The following SLC1A1 variants were observed in gnomAD, a reference collection of about 807,000 sequenced individuals.
SLC1A1 encodes excitatory amino acid transporter 3.
A neutral mutation model predicts 53.3 loss-of-function variants in SLC1A1; 43 were observed. The ratio of observed to expected loss-of-function variants is 0.81; its 90% confidence interval spans 0.63 to 1.04. The LOEUF (loss-of-function observed/expected upper bound fraction) is 1.04. SLC1A1 is among the 50% of genes least tolerant of loss of function. SLC1A1 has a pLI of 0.00. For synonymous variants in SLC1A1, 307 were observed against 243.2 expected, an observed-to-expected ratio of 1.26 and a Z score of -2.44; for missense variants, 748 against 664.9, an observed-to-expected ratio of 1.12 and a Z score of -1.37.
intron 10 of SLC1A1, 45 bp from the exon 11 acceptor site, chr9:4,582,993 G>C (rs200721080): frequency 1.2e-6 from 2 of 1,613,280 alleles, no homozygotes; most frequent in East Asian, 2.2e-5. Context: ...GCTTTAACGG[G>C]AGAGGTAAGT....
intron 10 of SLC1A1, among the ~76,000 whole-genome samples, chr9:4,579,136 T>A (rs1820831629): frequency 6.6e-6 from 1 of 152,244 alleles, no homozygotes; most frequent in African/African-American, 2.4e-5. Context: ...GCTGGGGAAC[T>A]ATCCCAATGC....
chr9:4,524,243 C>T (rs1816185118), intron 1 of SLC1A1, among the ~76,000 whole-genome samples: 1 of 152,142 alleles, frequency 6.6e-6, no homozygotes, highest in Non-Finnish European at 1.5e-5. Context: ...TATTTACTGA[C>T]TCCATTATCC....
chr9:4,492,365 C>T (rs1820265030), intron 1 of SLC1A1, among the ~76,000 whole-genome samples: 1 of 151,924 alleles, frequency 6.6e-6, no homozygotes, highest in Admixed American at 6.6e-5. Context: ...GCCTATAACC[C>T]CAGTTACTCG....
At chr9:4,572,716 T>G (rs1820175178) in intron 7 of SLC1A1, among the ~76,000 whole-genome samples, 1 of 152,138 alleles carries the variant, frequency 6.6e-6, no homozygotes. Context: ...CCCAGCTATT[T>G]TTTTGTATTT....
intron 1 of SLC1A1, among the ~76,000 whole-genome samples, chr9:4,534,641 G>T (rs1440284564): frequency 6.6e-6 from 1 of 151,924 alleles, no homozygotes. Context: ...GTACAAGGAG[G>T]TGCTGGTACC....
chr9:4,493,827 A>C (rs978805958), intron 1 of SLC1A1, among the ~76,000 whole-genome samples: 2 of 152,250 alleles, frequency 1.3e-5, no homozygotes, highest in African/African-American at 4.8e-5. Flanking sequence ...TTATAGAAAT[A>C]AGAGGCAAAG....
chr9:4,518,632 C>T (rs558793711), intron 1 of SLC1A1, among the ~76,000 whole-genome samples: 2 of 152,212 alleles, frequency 1.3e-5, no homozygotes, highest in South Asian at 4.1e-4. Flanking sequence ...ATTCCAACTC[C>T]AGCTGCCTGT....
chr9:4,519,784 G>C (rs1816000069), intron 1 of SLC1A1, among the ~76,000 whole-genome samples: 1 of 152,154 alleles, frequency 6.6e-6, no homozygotes, highest in Non-Finnish European at 1.5e-5. Context: ...ACTCCAGATA[G>C]GTGACTCATG....
At chr9:4,509,347 A>AT (rs1820915504) in intron 1 of SLC1A1, among the ~76,000 whole-genome samples, 2 of 152,114 alleles carry the variant, frequency 1.3e-5, no homozygotes, top group African/African-American at 2.4e-5. Flanking sequence ...TCAAGGGACT[A>AT]TTTATAGAGT....
At position 4,564,206 on chromosome 9, in the gene SLC1A1, A is replaced by G. The variant is rs1586807584; in HGVS notation, c.326-138A>G. The G allele has an allele frequency of 1.4e-5, 10 of 692,970 alleles. No individual in the cohort carries two copies. The East Asian group carries it at 2.7e-4, about 19-fold the overall frequency. 42.9% of individuals were successfully genotyped at this position (692,970 alleles called of 1,614,324 possible). On this transcript the variant is annotated intron_variant, in intron 3 of 11. Transcript: ENST00000262352. ...GCTGCTGAGGTTCCAGAGGAGGCTC[A>G]GCATTTTGGCTGGACCTCAGGGTCC...
intron 10 of SLC1A1, among the ~76,000 whole-genome samples, chr9:4,577,562 G>A (rs552695723): frequency 4.3e-4 from 66 of 152,218 alleles, no homozygotes; most frequent in African/African-American, 1.3e-3. Context: ...CACAACCTCC[G>A]CCTCCAGGGT....
rs574025515 is a variant in SLC1A1 at position 4,549,313 on chromosome 9, C to T, written c.232+4606C>T. Among the ~76,000 whole-genome samples the T allele has an allele frequency of 2.5e-4, 38 of 152,192 alleles. No homozygotes were observed. The highest frequency in any genetic ancestry group is 8.7e-4 in the African/African-American group (36 of 41,552). Reference sequence around the variant, plus strand: ...GGTGTCTGCTGTGGCTGCCACTACCCCGGTGACCTAAGGAGTTCCGCTCTT... The same window carrying T: ...GGTGTCTGCTGTGGCTGCCACTACCTCGGTGACCTAAGGAGTTCCGCTCTT... On this transcript the variant is annotated intron_variant, in intron 2 of 11. Transcript: ENST00000262352. This position sits in a 1 kb window ranked among gnomAD's most constrained non-coding sequence, Gnocchi z 4.1.
At chr9:4,532,590 T>C (rs199885187) in intron 1 of SLC1A1, among the ~76,000 whole-genome samples, 3 of 152,128 alleles carry the variant, frequency 2.0e-5, no homozygotes, top group Admixed American at 1.3e-4. Flanking sequence ...CATCTGATTG[T>C]TGTACCTGAA....
At chr9:4,507,340 T>A (rs1563997698) in intron 1 of SLC1A1, among the ~76,000 whole-genome samples, 1 of 152,206 alleles carries the variant, frequency 6.6e-6, no homozygotes, top group Non-Finnish European at 1.5e-5. Flanking sequence ...CTGGTGGTCA[T>A]CCCAGATGCA....
At chr9:4,543,453 T>C (rs963304520) in intron 1 of SLC1A1, among the ~76,000 whole-genome samples, 5 of 152,192 alleles carry the variant, frequency 3.3e-5, no homozygotes, top group South Asian at 2.1e-4. Context: ...TGGAAGAGAA[T>C]AGAAATAAAA....
chr9:4,495,585 G>A (rs1165567814), intron 1 of SLC1A1, among the ~76,000 whole-genome samples: 1 of 152,084 alleles, frequency 6.6e-6, no homozygotes, highest in Non-Finnish European at 1.5e-5. Context: ...ACGGAGGAGA[G>A]GTGAAGGAAC....
chr9:4,507,657 G>C (rs1563997844), intron 1 of SLC1A1, among the ~76,000 whole-genome samples: 1 of 152,164 alleles, frequency 6.6e-6, no homozygotes, highest in Non-Finnish European at 1.5e-5. Flanking sequence ...AGTTTTGTAA[G>C]CAGACCTAAG....
rs140648635 is a variant in SLC1A1 at position 4,560,509 on chromosome 9, A to C, written c.233-940A>C. Among the ~76,000 whole-genome samples the C allele has an allele frequency of 5.5e-3, 841 of 152,322 alleles. 11 individuals carry two copies. The highest frequency in any genetic ancestry group is 0.019 in the African/African-American group (788 of 41,574). On this transcript the variant is annotated intron_variant, in intron 2 of 11. Transcript: ENST00000262352. ...TTAGAAGAAAATCACCAGAATATTA[A>C]CTTGGTTGATGAGATGATGTGATTT...
chr9:4,563,531 C>T (rs1819185492), intron 3 of SLC1A1, among the ~76,000 whole-genome samples: 1 of 152,192 alleles, frequency 6.6e-6, no homozygotes, highest in Admixed American at 6.5e-5. Flanking sequence ...TTCAGCATCC[C>T]AGAGCCCTAC....
Sources: allele counts gnomAD v4.1 joint callset (sites outside exome capture counted in the v4.1 genomes callset), GRCh38; gene constraint gnomAD v4.1.1; non-coding constraint Gnocchi (gnomAD v3.1); transcripts MANE v1.5; gene names NCBI Gene and HGNC (gene_info 2026-07-23, HGNC 2026-07-21).